The following TNRC6C variants were observed in gnomAD, a reference collection of about 807,000 sequenced individuals.
The protein encoded by TNRC6C is trinucleotide repeat containing adaptor 6C, also known as trinucleotide repeat-containing gene 6C protein.
In TNRC6C, 20 loss-of-function variants were observed where a neutral mutation model predicts 153.7. The ratio of observed to expected loss-of-function variants is 0.13; its 90% CI spans 0.09 to 0.19. The LOEUF is 0.19. Among genes scored for constraint, TNRC6C ranks in the 10% least tolerant of loss-of-function variants. The pLI is 1.00. For synonymous variants in TNRC6C, 811 were observed against 841.4 expected (o/e 0.96, Z 0.63); for missense variants, 1,987 against 2,172.0 (o/e 0.91, Z 1.69).
chr17:78,065,523 A>G (rs898844999), intron 4 of TNRC6C, among the ~76,000 whole-genome samples: 1 of 152,170 alleles, frequency 6.6e-6, no homozygotes, highest in African/African-American at 2.4e-5. Flanking sequence ...TACCCACACT[A>G]CTTCAGCAGT....
At chr17:78,000,729 C>T (rs564396674), upstream of TNRC6C, among the ~76,000 whole-genome samples, 1 of 146,928 alleles carries the variant, frequency 6.8e-6, no homozygotes, top group Non-Finnish European at 1.5e-5. Context: ...GTAGGTGAAA[C>T]TAAGGACGAG....
At chr17:77,995,718 A>G (rs535725532) in intron 1 of TNRC6C, among the ~76,000 whole-genome samples, 8 of 151,984 alleles carry the variant, frequency 5.3e-5, no homozygotes, top group Non-Finnish European at 8.8e-5. Context: ...AGCACATTTA[A>G]AGTACACACA....
chr17:77,976,268 G>A (rs1211537406), intron 1 of TNRC6C, among the ~76,000 whole-genome samples: 1 of 152,144 alleles, frequency 6.6e-6, no homozygotes, highest in Non-Finnish European at 1.5e-5. Context: ...CCCTATCATA[G>A]ACATGACTAT....
chr17:77,994,367 C>T (rs1321185739), intron 1 of TNRC6C, among the ~76,000 whole-genome samples: 1 of 152,160 alleles, frequency 6.6e-6, no homozygotes, highest in Non-Finnish European at 1.5e-5. Flanking sequence ...TTTGATTTTT[C>T]TCTTGTGCAG....
chr17:78,035,142 A>G (rs1310549270), intron 2 of TNRC6C, among the ~76,000 whole-genome samples: 1 of 152,188 alleles, frequency 6.6e-6, no homozygotes, highest in Non-Finnish European at 1.5e-5. Flanking sequence ...TGACTCAGAC[A>G]CCATTCCAAT....
At chr17:78,024,098 C>CA (rs1479034886) in intron 1 of TNRC6C, among the ~76,000 whole-genome samples, 2 of 151,198 alleles carry the variant, frequency 1.3e-5, no homozygotes, top group Non-Finnish European at 2.9e-5. Context: ...AACACCGTCT[C>CA]AAAAAAAAGC....
At chr17:78,073,063 G>A in exon 7 of TNRC6C, 1 of 1,557,204 alleles carries the variant, frequency 6.4e-7, no homozygotes, top group East Asian at 2.4e-5. Flanking sequence ...AGGCCTTGAA[G>A]AGTAACAATA....
At chr17:78,071,263 C>A in intron 6 of TNRC6C, 98 bp downstream of exon 8, 1 of 1,213,488 alleles carries the variant, frequency 8.2e-7, no homozygotes, top group Non-Finnish European at 1.2e-6. Flanking sequence ...TCAGAAGACA[C>A]CAAGATTGTT....
At chr17:78,060,976 C>A (rs138112797) in intron 3 of TNRC6C, among the ~76,000 whole-genome samples, 23 of 152,312 alleles carry the variant, frequency 1.5e-4, no homozygotes, top group African/African-American at 5.1e-4. Flanking sequence ...GTCTGCTGCT[C>A]ATTTTTATAC....
intron 3 of TNRC6C, among the ~76,000 whole-genome samples, chr17:78,063,555 T>C (rs1249795526): frequency 6.6e-6 from 1 of 152,090 alleles, no homozygotes; most frequent in Admixed American, 6.5e-5. Flanking sequence ...AGGATGCTGT[T>C]GCAACAGGAC....
chr17:77,982,095 A>C (rs1297804951), intron 1 of TNRC6C, among the ~76,000 whole-genome samples: 2 of 152,196 alleles, frequency 1.3e-5, no homozygotes, highest in African/African-American at 4.8e-5. Flanking sequence ...GGGACACAGC[A>C]AGAAGAATGC....
At chr17:78,035,452 C>T (rs1399889562) in intron 2 of TNRC6C, among the ~76,000 whole-genome samples, 1 of 152,168 alleles carries the variant, frequency 6.6e-6, no homozygotes, top group African/African-American at 2.4e-5. Flanking sequence ...TTGAGTAATG[C>T]AGGTGATAGT....
chr17:78,084,566 C>T (rs563050947), intron 11 of TNRC6C, among the ~76,000 whole-genome samples: 1 of 151,726 alleles, frequency 6.6e-6, no homozygotes, highest in Non-Finnish European at 1.5e-5. Context: ...GAGCTCTAGA[C>T]ATGAGGTCAG....
intron 13 of TNRC6C, 61 bp downstream of exon 15, chr17:78,087,154 G>C: frequency 1.3e-6 from 2 of 1,574,034 alleles, no homozygotes; most frequent in Non-Finnish European, 1.7e-6. Flanking sequence ...GAGTCCGTAT[G>C]TGGTAGCCAG....
At chr17:78,070,323 T>A (rs2072967634) in intron 5 of TNRC6C, among the ~76,000 whole-genome samples, 1 of 152,208 alleles carries the variant, frequency 6.6e-6, no homozygotes, top group South Asian at 2.1e-4. Context: ...TTTATAGAGC[T>A]CCATATGCTC....
intron 1 of TNRC6C, among the ~76,000 whole-genome samples, chr17:77,974,937 G>A (rs987894954): frequency 6.6e-6 from 1 of 152,166 alleles, no homozygotes; most frequent in Non-Finnish European, 1.5e-5. Flanking sequence ...ATAGGTAAAT[G>A]AGCAAGGGAA....
intron 3 of TNRC6C, among the ~76,000 whole-genome samples, chr17:78,060,034 T>G (rs934393036): frequency 4.6e-5 from 7 of 152,068 alleles, no homozygotes; most frequent in Non-Finnish European, 7.4e-5. Flanking sequence ...CTAAGGGAAG[T>G]TACTGTGCAG....
At chr17:77,996,351 G>A (rs1192552406) in intron 1 of TNRC6C, among the ~76,000 whole-genome samples, 1 of 152,136 alleles carries the variant, frequency 6.6e-6, no homozygotes, top group East Asian at 1.9e-4. Context: ...AAGGAAGTGA[G>A]GTAGATGACA....
chr17:78,055,332 C>T lies in TNRC6C; in HGVS notation c.2395+3875C>T, dbSNP rs566841040. Reference sequence around the variant, plus strand: ...TGTTGTCCACCTCCACACGTTGTCCCATTGGAGATCCAATAACAGGAAGTA... The same window carrying T: ...TGTTGTCCACCTCCACACGTTGTCCTATTGGAGATCCAATAACAGGAAGTA... On this transcript the variant is annotated intron_variant, in intron 3 of 19. Transcript: ENST00000301624. 1.2e-4 allele frequency among the ~76,000 whole-genome samples: 18 copies of T among 152,326 alleles called. 1 individual carries two copies. In the East Asian group the frequency reaches 2.9e-3, roughly 24 times the overall value.
Sources: gnomAD v4.1 joint callset for allele counts (sites outside exome capture counted in the v4.1 genomes callset) on GRCh38, gnomAD v4.1.1 for gene constraint, MANE v1.5 for transcripts, NCBI Gene and HGNC (gene_info 2026-07-23, HGNC 2026-07-21) for gene names.